The following DLGAP4 variants were observed in gnomAD, a reference collection of about 807,000 sequenced individuals.
DLGAP4 encodes disks large-associated protein 4.
Under a neutral mutation model 86.9 loss-of-function variants are expected in DLGAP4, and 18 were observed. That is an observed-to-expected ratio of 0.21 (90% CI 0.14 to 0.31). The LOEUF (loss-of-function observed/expected upper bound fraction) is 0.31, where lower values mean the gene tolerates loss of function less well. Ranked by LOEUF, DLGAP4 falls within the 10% of genes least tolerant of loss-of-function variation. The pLI is 1.00. For missense variants in DLGAP4, 1,085 were observed against 1,362.6 expected, an observed-to-expected ratio of 0.80 and a Z score of 3.21; for synonymous variants, 548 against 574.3, an observed-to-expected ratio of 0.95 and a Z score of 0.65.
At position 36,496,993 on chromosome 20, in the gene DLGAP4, A is replaced by G; in HGVS notation, c.1937A>G (p.Gln646Arg). 1 of 1,614,104 alleles carries G rather than the reference A, an allele frequency of 6.2e-7. No individual in the cohort carries two copies. Among genetic ancestry groups the G allele is most frequent in the Non-Finnish European group, 8.5e-7 (1 of 1,179,998 alleles). Residue 646 changes from glutamine (Q) to arginine (R), a missense_variant, in exon 8 of 13, where the codon CAA (glutamine) becomes CGA (arginine). By Grantham distance (43) the Gln-to-Arg change is conservative. Around this residue, in one of 2 missense-constraint regions of DLGAP4, gnomAD observed 1,082 missense variants for 1,344.1 expected, o/e 0.81. Coordinates refer to ENST00000339266, the MANE Select transcript of DLGAP4 (RefSeq NM_001365621.2). ...AAACATGCAGCTCTGAAAAGTGAACAAGGGACGCTGACCAGCTCTGAGTCC... is the reference window on the plus strand; with the variant it reads ...AAACATGCAGCTCTGAAAAGTGAACGAGGGACGCTGACCAGCTCTGAGTCC... ...PPKHAALKSE[Q>R]GTLTSSESHP...
chr20:36,374,608 G>A (rs757056086), intron 2 of DLGAP4, among the ~76,000 whole-genome samples: 12 of 152,228 alleles, frequency 7.9e-5, no homozygotes, highest in Non-Finnish European at 1.6e-4. Flanking sequence ...TGGAAGCATA[G>A]CCTGGAGGAG....
intron 2 of DLGAP4, among the ~76,000 whole-genome samples, chr20:36,378,817 G>GA (rs2031259864): frequency 6.6e-6 from 1 of 152,096 alleles, no homozygotes; most frequent in South Asian, 2.1e-4. Context: ...GTTCGGGGAA[G>GA]CTGGAGTAAT....
chr20:36,463,759 CCTGTAGAGTAGGGG>C lies in DLGAP4; in HGVS notation c.1648+16823_1648+16836del, dbSNP rs2034210201. On this transcript the variant is annotated intron_variant, in intron 7 of 12. Transcript: ENST00000339266. ...AGCCTTGGCTGCTTTTCCTGCTTCC[CCTGTAGAGTAGGGG>C]AACAAAGACCTCAGCCGAGAGAGGT... Among the ~76,000 whole-genome samples, 5 of 152,276 alleles carry C rather than the reference CCTGTAGAGTAGGGG, an allele frequency of 3.3e-5. No homozygotes were observed. In the South Asian group the frequency reaches 1.0e-3, roughly 32 times the overall value.
intron 1 of DLGAP4, among the ~76,000 whole-genome samples, chr20:36,307,411 T>TCATCCCTCCATCCCTC (rs1195495864): frequency 1.3e-5 from 2 of 152,060 alleles, no homozygotes; most frequent in East Asian, 3.9e-4. Flanking sequence ...CTCCATCCCT[T>TCATCCCTCCATCCCTC]CATCCCTCCA....
At chr20:36,375,746 G>A (rs2031126887) in intron 2 of DLGAP4, among the ~76,000 whole-genome samples, 1 of 152,164 alleles carries the variant, frequency 6.6e-6, no homozygotes, top group South Asian at 2.1e-4. Flanking sequence ...CCTGCCTCCT[G>A]TTGAGCTTTT....
chr20:36,415,161 G>A (rs1297491557), intron 2 of DLGAP4, among the ~76,000 whole-genome samples: 1 of 152,208 alleles, frequency 6.6e-6, no homozygotes, highest in Non-Finnish European at 1.5e-5. Context: ...AGCTACTCAG[G>A]AGGCTGAGGC....
chr20:36,458,514 A>G (rs2033940835), intron 7 of DLGAP4, among the ~76,000 whole-genome samples: 1 of 151,014 alleles, frequency 6.6e-6, no homozygotes, highest in South Asian at 2.1e-4. Context: ...GGCATGAACC[A>G]CCGTGCCTGG....
intron 2 of DLGAP4, among the ~76,000 whole-genome samples, chr20:36,373,848 C>A (rs922619802): frequency 6.6e-6 from 1 of 151,978 alleles, no homozygotes; most frequent in African/African-American, 2.4e-5. Context: ...ACCAGCCTGG[C>A]CAACATGGGG....
intron 1 of DLGAP4, among the ~76,000 whole-genome samples, chr20:36,331,722 C>G (rs944770385): frequency 6.6e-6 from 1 of 152,222 alleles, no homozygotes; most frequent in Non-Finnish European, 1.5e-5. Flanking sequence ...GGTCCCTGCC[C>G]TCACAGAGCT....
chr20:36,514,187 G>A (rs1310076235), intron 10 of DLGAP4, among the ~76,000 whole-genome samples: 2 of 152,130 alleles, frequency 1.3e-5, no homozygotes, highest in African/African-American at 4.8e-5. Flanking sequence ...AAAGGCAGCT[G>A]AAGGGCTCAC....
chr20:36,499,759 C>T, intron 9 of DLGAP4, 83 bp downstream of exon 9: 4 of 1,272,132 alleles, frequency 3.1e-6, no homozygotes, highest in Non-Finnish European at 3.3e-6. Context: ...CCCTAACCCA[C>T]TTCTCCTTGC....
rs778580606 is a variant in DLGAP4, at chr20:36,436,401, C to T, written c.1241+51C>T. On this transcript the variant is annotated intron_variant, in intron 4 of 12. Coordinates refer to ENST00000339266, the MANE Select transcript of DLGAP4 (RefSeq NM_001365621.2). Reference sequence around the variant, plus strand: ...GTCCCGCCCAGAGGCAAGCCCCGCCCACTACGAGTCTTGCTCCCTGGGAGG... The same window carrying T: ...GTCCCGCCCAGAGGCAAGCCCCGCCTACTACGAGTCTTGCTCCCTGGGAGG... 16 of 1,517,314 alleles carry T rather than the reference C, an allele frequency of 1.1e-5. 1 individual carries two copies. The South Asian group carries it at 2.1e-4, about 20-fold the overall frequency. The allele number at this position is 1,517,314 out of a possible 1,614,324, so 94.0% of individuals were successfully genotyped here. A position where few individuals can be genotyped will look rare whatever the true frequency, so the allele number is the denominator to read the frequency against.
At chr20:36,503,261 A>G (rs6023602) in intron 10 of DLGAP4, among the ~76,000 whole-genome samples, 8 of 152,196 alleles carry the variant, frequency 5.3e-5, no homozygotes, top group South Asian at 2.1e-4. Context: ...TCACCCTTTT[A>G]AAGTACACAT....
chr20:36,384,632 G>A (rs2031529832), intron 2 of DLGAP4, among the ~76,000 whole-genome samples: 4 of 152,178 alleles, frequency 2.6e-5, no homozygotes, highest in Admixed American at 2.6e-4. Context: ...GTGGGACAGG[G>A]CTTTGTAAAC....
intron 2 of DLGAP4, among the ~76,000 whole-genome samples, chr20:36,379,027 T>C (rs1048974933): frequency 1.3e-5 from 2 of 151,994 alleles, no homozygotes; most frequent in Non-Finnish European, 2.9e-5. Flanking sequence ...ATGCTAGCAG[T>C]AAGCTAGCGA....
chr20:36,421,920 T>G (rs8114927), intron 2 of DLGAP4, among the ~76,000 whole-genome samples: 3 of 152,088 alleles, frequency 2.0e-5, no homozygotes, highest in African/African-American at 7.2e-5. Context: ...TTTAAGGCCA[T>G]GCGTCAGGAT....
At chr20:36,499,365 A>G (rs372366318) in intron 8 of DLGAP4, 1 of 938,126 alleles carries the variant, frequency 1.1e-6, no homozygotes. Context: ...CCTCCCGCCC[A>G]CCTGCCCGCC....
chr20:36,450,493 C>T (rs766269322), intron 7 of DLGAP4, among the ~76,000 whole-genome samples: 13 of 150,876 alleles, frequency 8.6e-5, no homozygotes, highest in African/African-American at 3.2e-4. Flanking sequence ...AGTGAGACTC[C>T]GTCTCAAAAA....
chr20:36,505,682 G>A (rs535338097), intron 10 of DLGAP4, among the ~76,000 whole-genome samples: 1 of 152,304 alleles, frequency 6.6e-6, no homozygotes, highest in African/African-American at 2.4e-5. Context: ...AGGCTGACAA[G>A]CGGGGAGGAT....
Sources: allele counts gnomAD v4.1 joint callset (sites outside exome capture counted in the v4.1 genomes callset), GRCh38; gene constraint gnomAD v4.1.1; regional missense constraint gnomAD v4.1.1; transcripts MANE v1.5; gene names NCBI Gene and HGNC (gene_info 2026-07-23, HGNC 2026-07-21).